WNK3: variants seen among roughly 807,000 people sequenced by gnomAD.
WNK3 encodes serine/threonine-protein kinase WNK3.
WNK3 carries 18 observed loss-of-function variants against 116.7 expected under a neutral mutation model. That is an observed-to-expected ratio of 0.15 (90% CI 0.11 to 0.23). The LOEUF (loss-of-function observed/expected upper bound fraction) is 0.23, where lower values mean the gene tolerates loss of function less well. Among genes scored for constraint, WNK3 ranks in the 10% least tolerant of loss-of-function variants. The pLI is 1.00. For synonymous variants in WNK3, 404 were observed against 469.4 expected (o/e 0.86, Z 1.80); for missense variants, 993 against 1,323.8 (o/e 0.75, Z 3.88).
intron 5 of WNK3, among the ~76,000 whole-genome samples, chrX:54,302,755 A>T (rs1188837573): frequency 9.3e-4 from 37 of 39,804 alleles, no homozygotes; most frequent in African/African-American, 2.8e-3. Flanking sequence ...ATATATATAT[A>T]TATTTTTTTT....
chrX:54,324,269 T>G (rs1603398463), intron 2 of WNK3, among the ~76,000 whole-genome samples: 1 of 112,175 alleles, frequency 8.9e-6, no homozygotes, highest in African/African-American at 3.2e-5. Flanking sequence ...CCCTAGATCT[T>G]TAAGTTAATC....
At chrX:54,228,971 A>G (rs2067872037) in intron 21 of WNK3, among the ~76,000 whole-genome samples, 1 of 111,668 alleles carries the variant, frequency 9.0e-6, no homozygotes, top group South Asian at 3.7e-4. Flanking sequence ...AAGAAGAAAT[A>G]AAAGGCATAA....
exon 24 of WNK3, chrX:54,193,163 A>G (rs2067415027): frequency 1.8e-5 from 2 of 112,155 alleles, no homozygotes; most frequent in Non-Finnish European, 3.8e-5. Context: ...TGCATACTTC[A>G]TAGTAAATTA....
intron 11 of WNK3, among the ~76,000 whole-genome samples, chrX:54,258,689 A>T (rs1448668237): frequency 9.7e-6 from 1 of 103,008 alleles, no homozygotes; most frequent in African/African-American, 4.0e-5. Flanking sequence ...GCAATCACAA[A>T]TAATCTTGAG....
At chrX:54,241,825 G>A (rs966164260) in intron 17 of WNK3, among the ~76,000 whole-genome samples, 10 of 109,519 alleles carry the variant, frequency 9.1e-5, no homozygotes, top group Non-Finnish European at 1.3e-4. Flanking sequence ...GTAGTGGTGA[G>A]CGCCTGTAAT....
intron 2 of WNK3, among the ~76,000 whole-genome samples, chrX:54,321,372 T>C (rs1203422970): frequency 9.0e-6 from 1 of 111,681 alleles, no homozygotes; most frequent in Non-Finnish European, 1.9e-5. Flanking sequence ...CAGGCAACAC[T>C]GGAACCCCGT....
chrX:54,278,697 CA>C (rs201023292), intron 10 of WNK3, among the ~76,000 whole-genome samples: 4 of 109,307 alleles, frequency 3.7e-5, no homozygotes, highest in African/African-American at 6.6e-5. Flanking sequence ...ACTCCCTCCC[CA>C]AAAAAAAACC....
intron 22 of WNK3, among the ~76,000 whole-genome samples, chrX:54,208,449 C>G (rs1222035564): frequency 9.0e-6 from 1 of 111,194 alleles, no homozygotes; most frequent in African/African-American, 3.3e-5. Context: ...TAGACAGGGT[C>G]TGGCTCTGTC....
chrX:54,347,446 A>C (rs1213127244), intron 1 of WNK3, among the ~76,000 whole-genome samples: 2 of 111,218 alleles, frequency 1.8e-5, no homozygotes, highest in South Asian at 3.8e-4. Context: ...AGATAGCGCC[A>C]CTGCACTCCA....
chrX:54,307,182 C>A (rs907314023), intron 5 of WNK3, among the ~76,000 whole-genome samples: 10 of 105,181 alleles, frequency 9.5e-5, no homozygotes, highest in Non-Finnish European at 2.0e-4. Context: ...AGCCGAGATC[C>A]CGCCACTGCA....
At position 54,237,278 on chromosome X, in the gene WNK3, C is replaced by T; in HGVS notation, c.4288G>A (p.Val1430Ile). The T allele has an allele frequency of 8.2e-7, 1 of 1,212,151 alleles. No individual in the cohort carries two copies. Among genetic ancestry groups the T allele is most frequent in the Non-Finnish European group, 1.1e-6 (1 of 895,629 alleles). ...TCCTTTTCTGGGGTCACTGAAGATACATCAGTCTCACAAGCTGCGCTGAAA... is the reference window on the plus strand; with the variant it reads ...TCCTTTTCTGGGGTCACTGAAGATATATCAGTCTCACAAGCTGCGCTGAAA... Residue 1430 changes from valine to isoleucine, a missense_variant, in exon 20 of 24, where the codon GTA (valine) becomes ATA (isoleucine). Physicochemically the swap from Val to Ile is conservative, Grantham distance 29. Around this residue, in one of 4 missense-constraint regions of WNK3, gnomAD observed 836 missense variants for 976.5 expected, o/e 0.86. Transcript: ENST00000354646.
At chrX:54,273,812 TA>T (rs1557159968) in intron 10 of WNK3, among the ~76,000 whole-genome samples, 1 of 111,629 alleles carries the variant, frequency 9.0e-6, no homozygotes, top group Non-Finnish European at 1.9e-5. Context: ...TCTGGGAGAT[TA>T]AATGATATGG....
In WNK3 at chrX:54,320,926, T is replaced by C. The variant is rs1014018530; in HGVS notation, c.538-9635A>G. ...TTTCTTTTTTTTTTGAGATGGAGTC[T>C]TGCTCTGTCACCCAGGCTGGAGTGC... On this transcript the variant is annotated intron_variant, in intron 2 of 23. Transcript: ENST00000354646. Among the ~76,000 whole-genome samples, 44 of 109,805 alleles carry C rather than the reference T, an allele frequency of 4.0e-4. 1 individual carries two copies. The highest frequency in any genetic ancestry group is 1.5e-3 in the African/African-American group (44 of 30,198).
Position 54,297,079 on chromosome X carries a change from A to G in WNK3, c.1398+1096T>C, listed in dbSNP as rs782427119. Among the ~76,000 whole-genome samples, 3 of 111,104 alleles carry G rather than the reference A, an allele frequency of 2.7e-5. No homozygotes were observed. In the East Asian group the frequency reaches 8.5e-4, roughly 32 times the overall value. ...TGACTTCTCCAGAAGTAGCTCTTGTAAACTCTTAGGGAAACTGAAGCTGGA... is the reference window on the plus strand; with the variant it reads ...TGACTTCTCCAGAAGTAGCTCTTGTGAACTCTTAGGGAAACTGAAGCTGGA... On this transcript the variant is annotated intron_variant, in intron 7 of 23. Transcript: ENST00000354646.
intron 17 of WNK3, among the ~76,000 whole-genome samples, chrX:54,244,428 G>A (rs1393375593): frequency 1.8e-5 from 2 of 111,940 alleles, no homozygotes; most frequent in Non-Finnish European, 3.8e-5. Flanking sequence ...AAATGGCAAA[G>A]CAAGATTTTG....
At chrX:54,295,750 CAAT>C (rs113181099) in intron 7 of WNK3, among the ~76,000 whole-genome samples, 12,960 of 111,315 alleles carry the variant, frequency 0.12, 1,362 homozygotes, top group African/African-American at 0.34. Context: ...TGCAGTGGTA[CAAT>C]GATAGGTCAA....
At chrX:54,309,865 T>C (rs782132062) in intron 3 of WNK3, among the ~76,000 whole-genome samples, 3 of 111,441 alleles carry the variant, frequency 2.7e-5, no homozygotes, top group African/African-American at 6.5e-5. Context: ...CTAAAAATCA[T>C]TCCAGAGTGG....
At chrX:54,288,442 C>A (rs2068603837) in intron 10 of WNK3, among the ~76,000 whole-genome samples, 1 of 111,425 alleles carries the variant, frequency 9.0e-6, no homozygotes, top group South Asian at 3.8e-4. Flanking sequence ...TGATGGGTTT[C>A]CTGTGCTTGT....
chrX:54,270,814 T>C (rs782012495), intron 10 of WNK3, among the ~76,000 whole-genome samples: 1 of 111,446 alleles, frequency 9.0e-6, no homozygotes, highest in Non-Finnish European at 1.9e-5. Context: ...CTCCCACTTA[T>C]GAGTGAGAAC....
Sources: allele counts gnomAD v4.1 joint callset (sites outside exome capture counted in the v4.1 genomes callset), GRCh38; gene constraint gnomAD v4.1.1; regional missense constraint gnomAD v4.1.1; transcripts MANE v1.5; gene names NCBI Gene and HGNC (gene_info 2026-07-23, HGNC 2026-07-21).